Variants in SOX6 observed in about 807,000 individuals in gnomAD.
SOX6 encodes SRY-box transcription factor 6.
SOX6 carries 11 observed loss-of-function variants against 97.8 expected under a neutral mutation model. The observed-to-expected ratio is 0.11, with a 90% CI of 0.07 to 0.19. The LOEUF is 0.19. Ranked by LOEUF, SOX6 falls within the 10% of genes least tolerant of loss-of-function variation. SOX6 has a pLI of 1.00. For missense variants in SOX6, 810 were observed against 1,039.5 expected (o/e 0.78, Z 3.04); for synonymous variants, 360 against 371.4 (o/e 0.97, Z 0.35).
At chr11:16,191,296 A>C (rs1047716583) in intron 4 of SOX6, among the ~76,000 whole-genome samples, 1 of 152,028 alleles carries the variant, frequency 6.6e-6, no homozygotes, top group East Asian at 1.9e-4. Context: ...CTCTCCAAAA[A>C]TTTTTTTGTA....
At chr11:16,448,248 T>C (rs1391583503) in intron 1 of SOX6, among the ~76,000 whole-genome samples, 1 of 152,192 alleles carries the variant, frequency 6.6e-6, no homozygotes, top group Non-Finnish European at 1.5e-5. Flanking sequence ...ATGCTCCAGG[T>C]TAATAAAAAT....
rs192693338 is a variant in SOX6 at position 16,394,602 on chromosome 11, T to A, written c.-4-53350A>T. ...TCATGTTTTTATAACCTTTTCTATA[T>A]CCTCCTGAAGAAAAACAAAAGCGTC... On this transcript the variant is annotated intron_variant, in intron 1 of 15. Transcript: ENST00000396356. 5.3e-5 allele frequency among the ~76,000 whole-genome samples: 8 copies of A among 152,022 alleles called. No homozygotes were observed. In the East Asian group the frequency reaches 1.5e-3, roughly 29 times the overall value.
intron 3 of SOX6, among the ~76,000 whole-genome samples, chr11:16,262,896 A>C (rs985695316): frequency 1.3e-5 from 2 of 151,978 alleles, no homozygotes; most frequent in African/African-American, 2.4e-5. Context: ...TTCTATGGCT[A>C]TGTGACAGTT....
At chr11:16,028,688 A>T (rs2133881803) in intron 12 of SOX6, among the ~76,000 whole-genome samples, 1 of 152,328 alleles carries the variant, frequency 6.6e-6, no homozygotes, top group East Asian at 1.9e-4. Flanking sequence ...CAGATAGAGT[A>T]CATTATGCAT....
At chr11:16,221,425 T>G (rs941833957) in intron 4 of SOX6, among the ~76,000 whole-genome samples, 2 of 151,248 alleles carry the variant, frequency 1.3e-5, no homozygotes, top group African/African-American at 4.9e-5. Flanking sequence ...GTCTATGTGA[T>G]GAAATGAGAA....
chr11:16,254,805 A>T (rs187628937), intron 3 of SOX6, among the ~76,000 whole-genome samples: 1 of 152,182 alleles, frequency 6.6e-6, no homozygotes, highest in East Asian at 1.9e-4. Context: ...TCAGGGGTCT[A>T]AATACACCAA....
chr11:16,390,615 A>C (rs1858144781), intron 1 of SOX6, among the ~76,000 whole-genome samples: 1 of 152,164 alleles, frequency 6.6e-6, no homozygotes. Flanking sequence ...TGATCTGTTC[A>C]ATGAAATGTT....
chr11:16,117,657 A>G (rs970170168), intron 6 of SOX6, among the ~76,000 whole-genome samples: 1 of 152,150 alleles, frequency 6.6e-6, no homozygotes, highest in African/African-American at 2.4e-5. Flanking sequence ...CATCCAGGAT[A>G]TTTTCCTTTT....
At chr11:16,573,019 T>C (rs1280137295) in intron 4 of SOX6, among the ~76,000 whole-genome samples, 1 of 152,192 alleles carries the variant, frequency 6.6e-6, no homozygotes, top group Non-Finnish European at 1.5e-5. Flanking sequence ...CTTTAAAATT[T>C]CAGTAGACAA....
At chr11:16,518,573 T>C (rs1438801375) in intron 4 of SOX6, among the ~76,000 whole-genome samples, 1 of 152,220 alleles carries the variant, frequency 6.6e-6, no homozygotes, top group Non-Finnish European at 1.5e-5. Flanking sequence ...AAGAGTTCTC[T>C]GAATATCCAG....
chr11:16,347,621 C>A (rs1429496666), intron 1 of SOX6, among the ~76,000 whole-genome samples: 1 of 152,032 alleles, frequency 6.6e-6, no homozygotes, highest in Non-Finnish European at 1.5e-5. Flanking sequence ...AATAAACAGA[C>A]ATCTCTCTGT....
At chr11:16,319,287 A>G (rs893823086) in intron 2 of SOX6, among the ~76,000 whole-genome samples, 2 of 152,184 alleles carry the variant, frequency 1.3e-5, no homozygotes, top group Admixed American at 1.3e-4. Flanking sequence ...CCAAAGTTAC[A>G]GAAGTCTCTT....
intron 3 of SOX6, among the ~76,000 whole-genome samples, chr11:16,692,308 C>T (rs372080571): frequency 3.8e-4 from 58 of 152,234 alleles, no homozygotes; most frequent in African/African-American, 1.3e-3. Flanking sequence ...CCTCGGCCTT[C>T]CAAAGTGCTG....
intron 13 of SOX6, among the ~76,000 whole-genome samples, chr11:15,996,998 A>G (rs1347417698): frequency 6.6e-6 from 1 of 152,196 alleles, no homozygotes; most frequent in Non-Finnish European, 1.5e-5. Context: ...AGATGGGTCA[A>G]CAGACAAAGA....
chr11:16,569,598 T>C (rs1217742593), intron 4 of SOX6, among the ~76,000 whole-genome samples: 2 of 152,134 alleles, frequency 1.3e-5, no homozygotes, highest in Non-Finnish European at 2.9e-5. Flanking sequence ...TTTTGTTTCT[T>C]GGATATAGCA....
intron 3 of SOX6, among the ~76,000 whole-genome samples, chr11:16,672,531 A>G (rs540928797): frequency 9.2e-5 from 14 of 152,338 alleles, no homozygotes; most frequent in African/African-American, 3.4e-4. Context: ...TCTTACATGG[A>G]TGGCAGTAGG....
intron 15 of SOX6, among the ~76,000 whole-genome samples, chr11:15,974,357 G>GTTAGCTCTCTCT (rs1853401444): frequency 1.7e-5 from 1 of 58,760 alleles, no homozygotes; most frequent in African/African-American, 6.3e-5. Flanking sequence ...TCTTTTTTTT[G>GTTAGCTCTCTCT]TTTTTTTCTG....
At chr11:16,571,674 CAG>C (rs1287843951) in intron 4 of SOX6, among the ~76,000 whole-genome samples, 2 of 152,082 alleles carry the variant, frequency 1.3e-5, no homozygotes, top group African/African-American at 4.8e-5. Context: ...TTTTTTGAGA[CAG>C]AGTCTTGCTC....
chr11:16,287,257 GT>G (rs1854774671), intron 3 of SOX6, among the ~76,000 whole-genome samples: 1 of 120,526 alleles, frequency 8.3e-6, no homozygotes, highest in Non-Finnish European at 1.7e-5. Context: ...TCTTCTCTCT[GT>G]CTCTCTCTCT....
Sources: allele counts gnomAD v4.1 joint callset (sites outside exome capture counted in the v4.1 genomes callset), GRCh38; gene constraint gnomAD v4.1.1; transcripts MANE v1.5; gene names NCBI Gene and HGNC (gene_info 2026-07-23, HGNC 2026-07-21).